ATXN2: variants seen among roughly 807,000 people sequenced by gnomAD.
ATXN2 encodes ataxin-2.
In ATXN2, 37 loss-of-function variants were observed where a neutral mutation model predicts 138.6. The observed-to-expected ratio is 0.27, with a 90% CI of 0.21 to 0.35. The LOEUF (loss-of-function observed/expected upper bound fraction) is 0.35. ATXN2 is among the 10% of genes least tolerant of loss of function. The pLI, the probability that ATXN2 is intolerant of heterozygous loss-of-function variation, is 1.00. For synonymous variants in ATXN2, 549 were observed against 543.7 expected, an observed-to-expected ratio of 1.01 and a Z score of -0.13; for missense variants, 1,216 against 1,480.3, an observed-to-expected ratio of 0.82 and a Z score of 2.93.
At chr12:111,476,506 T>C (rs575730251) in intron 18 of ATXN2, among the ~76,000 whole-genome samples, 8 of 149,974 alleles carry the variant, frequency 5.3e-5, no homozygotes, top group Non-Finnish European at 7.4e-5. Context: ...TAGATCATGA[T>C]TGTATGTTTA....
intron 1 of ATXN2, among the ~76,000 whole-genome samples, chr12:111,562,428 G>C (rs1476450649): frequency 2.0e-5 from 3 of 151,488 alleles, no homozygotes; most frequent in African/African-American, 7.3e-5. Context: ...TCTCTTAAAA[G>C]AGAAAAAGAA....
intron 5 of ATXN2, among the ~76,000 whole-genome samples, chr12:111,529,597 G>A (rs1476004636): frequency 6.6e-6 from 1 of 152,138 alleles, no homozygotes; most frequent in Non-Finnish European, 1.5e-5. Flanking sequence ...CAGAAACTTA[G>A]TCATTTTGGG....
chr12:111,488,522 A>G lies in ATXN2; in HGVS notation c.2194T>C (p.Cys732Arg), dbSNP rs1480280993. 8 of 1,613,940 alleles carry G rather than the reference A, an allele frequency of 5.0e-6. No individual in the cohort carries two copies. The highest frequency in any genetic ancestry group is 6.8e-6 in the Non-Finnish European group (8 of 1,179,964). ...SQGVQTSSPA[C>R]KQEKDDKEEK... ...TCCTTATCGTCTTTCTCTTGTTTAC[A>G]TGCTGGGCTGGAAGTCTGAACCCCT... The change falls in exon 15 of 25, where the codon TGT becomes CGT. Residue 732 changes from cysteine (C) to arginine (R), a missense_variant. Physicochemically the swap from Cys to Arg is radical, Grantham distance 180 (BLOSUM62 -3). This residue lies in a region of ATXN2 where 490 missense variants were observed against 653.5 expected (regional missense o/e 0.75). Transcript: ENST00000673436.
At chr12:111,590,688 A>AAAAGAAAACCAC (rs1555245618) in intron 1 of ATXN2, among the ~76,000 whole-genome samples, 2 of 148,224 alleles carry the variant, frequency 1.3e-5, no homozygotes, top group African/African-American at 5.0e-5. Flanking sequence ...CATCTAATTA[A>AAAAGAAAACCAC]AAAAAAAAAA....
chr12:111,459,181 G>A (rs1230722883), intron 21 of ATXN2, among the ~76,000 whole-genome samples: 1 of 152,234 alleles, frequency 6.6e-6, no homozygotes, highest in Non-Finnish European at 1.5e-5. Flanking sequence ...TAAGAGTAGT[G>A]AACGTCTTCT....
chr12:111,552,234 A>C lies in ATXN2; in HGVS notation c.571+46T>G, dbSNP rs1229580774. 6.6e-7 allele frequency: 1 copy of C among 1,519,800 alleles called. No individual in the cohort carries two copies. Among genetic ancestry groups the C allele is most frequent in the South Asian group, 1.3e-5 (1 of 77,868 alleles). The allele number at this position is 1,519,800 out of a possible 1,614,324, so 94.1% of individuals were successfully genotyped here. On this transcript the variant is annotated intron_variant, in intron 5 of 24. Transcript: ENST00000673436. This position sits in a 1 kb window ranked among gnomAD's most constrained non-coding sequence, Gnocchi z 4.1. ...GATCACTGTGAAAATCTTTGCTTGA[A>C]TAAATCTAATAAACCATGAGGCATA...
intron 5 of ATXN2, among the ~76,000 whole-genome samples, chr12:111,544,158 T>C (rs1881684040): frequency 6.6e-6 from 1 of 152,038 alleles, no homozygotes; most frequent in East Asian, 1.9e-4. Flanking sequence ...AGGGTGAGGG[T>C]ATACAGTTTC....
upstream of ATXN2, chr12:111,599,471 G>C (rs1592947170): frequency 4.1e-6 from 5 of 1,214,108 alleles, no homozygotes; most frequent in East Asian, 1.7e-4. Context: ...GCGAGACTCG[G>C]TGGCCACCGC....
intron 5 of ATXN2, among the ~76,000 whole-genome samples, chr12:111,541,801 T>C (rs551557201): frequency 1.4e-5 from 2 of 143,266 alleles, no homozygotes; most frequent in African/African-American, 5.0e-5. Flanking sequence ...ATTATAAAAA[T>C]TTTTTTTTTT....
At chr12:111,518,532 G>GTTC in intron 8 of ATXN2, 105 bp from the exon 9 acceptor site, 1 of 1,244,368 alleles carries the variant, frequency 8.0e-7, no homozygotes, top group Non-Finnish European at 1.1e-6. Flanking sequence ...TTACAAAAAG[G>GTTC]TTCTACACTA....
chr12:111,573,548 G>C (rs942534675), intron 1 of ATXN2, among the ~76,000 whole-genome samples: 1 of 152,110 alleles, frequency 6.6e-6, no homozygotes, highest in Non-Finnish European at 1.5e-5. Context: ...AGAAGCAATG[G>C]AACAGTTATT....
intron 1 of ATXN2, among the ~76,000 whole-genome samples, chr12:111,557,798 G>C (rs1374315275): frequency 6.6e-6 from 1 of 152,112 alleles, no homozygotes; most frequent in East Asian, 1.9e-4. Context: ...GTTTTGGTAG[G>C]GGTGTGGGGG....
intron 3 of ATXN2, among the ~76,000 whole-genome samples, chr12:111,553,753 A>C (rs540464411): frequency 2.0e-4 from 30 of 151,700 alleles, no homozygotes; most frequent in Admixed American, 4.6e-4. Flanking sequence ...GGCACGTACC[A>C]CCACGTTCGG....
At chr12:111,571,605 TTTTTG>T (rs1883317384) in intron 1 of ATXN2, among the ~76,000 whole-genome samples, 1 of 152,186 alleles carries the variant, frequency 6.6e-6, no homozygotes, top group African/African-American at 2.4e-5. Flanking sequence ...GGAGGTCATA[TTTTTG>T]AAGAGTTAAT....
chr12:111,485,083 T>A (rs1760623798), intron 18 of ATXN2, 182 bp downstream of exon 18: 1 of 543,146 alleles, frequency 1.8e-6, no homozygotes, highest in South Asian at 3.3e-5. Flanking sequence ...GGGCATTTTT[T>A]CTCCCCTGTT....
intron 11 of ATXN2, 159 bp downstream of exon 11, chr12:111,513,198 G>A (rs1319045750): frequency 3.9e-6 from 3 of 759,538 alleles, no homozygotes; most frequent in South Asian, 4.3e-5. Context: ...ATAAGTGGTA[G>A]AGCCCAGAAT....
chr12:111,506,359 T>C (rs1879106797), intron 14 of ATXN2, among the ~76,000 whole-genome samples: 1 of 152,188 alleles, frequency 6.6e-6, no homozygotes, highest in African/African-American at 2.4e-5. Context: ...AAATGGTTGA[T>C]TTATATATGT....
chr12:111,502,169 G>C (rs948742570), intron 14 of ATXN2, among the ~76,000 whole-genome samples: 1 of 151,880 alleles, frequency 6.6e-6, no homozygotes, highest in Non-Finnish European at 1.5e-5. Flanking sequence ...CTAAGATTCA[G>C]GCATGAGCCA....
intron 5 of ATXN2, among the ~76,000 whole-genome samples, chr12:111,529,926 A>G (rs976967015): frequency 1.3e-5 from 2 of 152,198 alleles, no homozygotes; most frequent in Admixed American, 1.3e-4. Flanking sequence ...TAACATCACA[A>G]ACCCTCAAAT....
Sources: allele counts gnomAD v4.1 joint callset (sites outside exome capture counted in the v4.1 genomes callset), GRCh38; gene constraint gnomAD v4.1.1; regional missense constraint gnomAD v4.1.1; non-coding constraint Gnocchi (gnomAD v3.1); transcripts MANE v1.5; gene names NCBI Gene and HGNC (gene_info 2026-07-23, HGNC 2026-07-21).